Variants in FRMPD1 observed in about 807,000 individuals in gnomAD.
FRMPD1 encodes FERM and PDZ domain-containing protein 1.
In FRMPD1, 76 loss-of-function variants were observed where a neutral mutation model predicts 117.8. The observed-to-expected ratio is 0.65, with a 90% CI of 0.54 to 0.78. The LOEUF (loss-of-function observed/expected upper bound fraction) is 0.78. Among genes scored for constraint, FRMPD1 ranks in the 30% least tolerant of loss-of-function variants. FRMPD1 has a pLI of 0.00. For synonymous variants in FRMPD1, 783 were observed against 770.4 expected (o/e 1.02, Z -0.27); for missense variants, 1,786 against 1,964.5 (o/e 0.91, Z 1.72).
intron 2 of FRMPD1, among the ~76,000 whole-genome samples, chr9:37,703,698 C>T (rs761684373): frequency 5.3e-5 from 8 of 152,194 alleles, no homozygotes; most frequent in Non-Finnish European, 1.2e-4. Context: ...ACCTCCCAAA[C>T]CTCCCTCCCT....
At chr9:37,738,867 G>A (rs571874360) in intron 14 of FRMPD1, among the ~76,000 whole-genome samples, 39 of 152,138 alleles carry the variant, frequency 2.6e-4, no homozygotes, top group Non-Finnish European at 4.0e-4. Flanking sequence ...ATTCAAGGCC[G>A]AGGGGGCCTG....
intron 9 of FRMPD1, 29 bp from the exon 10 acceptor site, chr9:37,732,275 T>C (rs1235291507): frequency 2.5e-5 from 41 of 1,610,456 alleles, no homozygotes; most frequent in Non-Finnish European, 3.3e-5. Flanking sequence ...TGCTTTTGTT[T>C]CCCATCTGCT....
chr9:37,637,105 G>C, the FRMPD1 span: 2 of 1,589,888 alleles, frequency 1.3e-6, no homozygotes. Context: ...GGCCCGCCGT[G>C]TCCCAGATCT....
At chr9:37,628,335 G>A in the FRMPD1 span, among the ~76,000 whole-genome samples, 2 of 152,112 alleles carry the variant, frequency 1.3e-5, no homozygotes, top group African/African-American at 2.4e-5. Context: ...ACCGGAAAAT[G>A]TGAAGGAAAC....
At chr9:37,641,531 T>C in the FRMPD1 span, among the ~76,000 whole-genome samples, 11 of 152,252 alleles carry the variant, frequency 7.2e-5, no homozygotes, top group Admixed American at 5.2e-4. Flanking sequence ...GCATTCAAGC[T>C]ACCTCTGGCT....
chr9:37,608,569 C>G, the FRMPD1 span, among the ~76,000 whole-genome samples: 1 of 151,876 alleles, frequency 6.6e-6, no homozygotes, highest in Non-Finnish European at 1.5e-5. Context: ...ACTTGAACTC[C>G]TGGGCTCAAG....
chr9:37,635,576 GGGGGCACCCCAA>G, the FRMPD1 span, among the ~76,000 whole-genome samples: 1 of 152,200 alleles, frequency 6.6e-6, no homozygotes, highest in East Asian at 1.9e-4. Flanking sequence ...CCTGGGAGCG[GGGGGCACCCCAA>G]GGGGCAGCCC....
intron 7 of FRMPD1, among the ~76,000 whole-genome samples, chr9:37,728,419 G>A (rs113365061): frequency 2.8e-4 from 43 of 152,242 alleles, no homozygotes; most frequent in African/African-American, 9.9e-4. Flanking sequence ...ACTGAAACTC[G>A]AAGGAAGAGA....
chr9:37,673,446 T>C (rs1821423282), intron 1 of FRMPD1, among the ~76,000 whole-genome samples: 1 of 152,172 alleles, frequency 6.6e-6, no homozygotes, highest in African/African-American at 2.4e-5. Context: ...TGGCGTTGAG[T>C]GTCTGCGGCT....
At chr9:37,628,404 T>C in the FRMPD1 span, among the ~76,000 whole-genome samples, 1 of 151,926 alleles carries the variant, frequency 6.6e-6, no homozygotes, top group Non-Finnish European at 1.5e-5. Context: ...GAAATCTTAC[T>C]GCAAATTGCT....
chr9:37,634,307 GTACATATCTTAT>G, the FRMPD1 span, among the ~76,000 whole-genome samples: 1 of 152,102 alleles, frequency 6.6e-6, no homozygotes, highest in Non-Finnish European at 1.5e-5. Flanking sequence ...ATGCCAAGAA[GTACATATCTTAT>G]ACAACCCTTA....
intron 2 of FRMPD1, among the ~76,000 whole-genome samples, chr9:37,704,309 T>C (rs774819894): frequency 1.3e-5 from 2 of 152,194 alleles, no homozygotes; most frequent in Non-Finnish European, 2.9e-5. Context: ...AAATCTCTCA[T>C]CAATAATTTT....
At chr9:37,625,748 A>T in the FRMPD1 span, among the ~76,000 whole-genome samples, 1 of 152,200 alleles carries the variant, frequency 6.6e-6, no homozygotes, top group Non-Finnish European at 1.5e-5. Context: ...TGCAGTTTTC[A>T]CCCTGCAGCT....
intron 4 of FRMPD1, among the ~76,000 whole-genome samples, chr9:37,710,504 A>G (rs1588947887): frequency 6.6e-6 from 1 of 152,296 alleles, no homozygotes; most frequent in East Asian, 1.9e-4. Flanking sequence ...TCTTGATTAT[A>G]TGATTGGGCT....
intron 1 of FRMPD1, among the ~76,000 whole-genome samples, chr9:37,681,025 C>T (rs369980349): frequency 1.3e-5 from 2 of 152,062 alleles, no homozygotes; most frequent in East Asian, 1.9e-4. Context: ...GCTGGGGCAA[C>T]ATAGCAAGAC....
intron 1 of FRMPD1, among the ~76,000 whole-genome samples, chr9:37,654,362 TG>T (rs1265132897): frequency 6.6e-6 from 1 of 152,156 alleles, no homozygotes; most frequent in Non-Finnish European, 1.5e-5. Flanking sequence ...TGCCTGGAGC[TG>T]GGTGAGGGTC....
intron 1 of FRMPD1, among the ~76,000 whole-genome samples, chr9:37,681,852 G>A (rs567086755): frequency 1.1e-3 from 160 of 152,268 alleles, no homozygotes; most frequent in Non-Finnish European, 1.7e-3. Flanking sequence ...ACAATCTGAG[G>A]GACAGAAAAC....
At chr9:37,674,104 T>C (rs1821445447) in intron 1 of FRMPD1, among the ~76,000 whole-genome samples, 1 of 152,254 alleles carries the variant, frequency 6.6e-6, no homozygotes, top group Non-Finnish European at 1.5e-5. Context: ...CAGCAAATTT[T>C]CTGAACTTTT....
At chr9:37,620,138 A>G in the FRMPD1 span, among the ~76,000 whole-genome samples, 1 of 152,166 alleles carries the variant, frequency 6.6e-6, no homozygotes, top group African/African-American at 2.4e-5. Context: ...GCTCTTAAAA[A>G]CACAAAAACC....
Sources: allele counts gnomAD v4.1 joint callset (sites outside exome capture counted in the v4.1 genomes callset), GRCh38; gene constraint gnomAD v4.1.1; transcripts MANE v1.5; gene names NCBI Gene and HGNC (gene_info 2026-07-23, HGNC 2026-07-21).